Variants in GNAQ observed in about 807,000 individuals in gnomAD.
GNAQ encodes guanine nucleotide-binding protein G(q) subunit alpha.
A neutral mutation model predicts 43.9 loss-of-function variants in GNAQ; 8 were observed. The observed-to-expected ratio is 0.18, with a 90% confidence interval of 0.11 to 0.33. The LOEUF is 0.33. Among genes scored for constraint, GNAQ ranks in the 10% least tolerant of loss-of-function variants. The pLI, the probability that GNAQ is intolerant of heterozygous loss-of-function variation, is 1.00. For synonymous variants in GNAQ, 155 were observed against 170.7 expected (o/e 0.91, Z 0.71); for missense variants, 158 against 450.8 (o/e 0.35, Z 5.88).
chr9:77,930,880 C>G (rs754796979), intron 1 of GNAQ, among the ~76,000 whole-genome samples: 2 of 152,098 alleles, frequency 1.3e-5, no homozygotes, highest in Non-Finnish European at 2.9e-5. Flanking sequence ...AACCGGGCCG[C>G]ACAGCAAGAG....
chr9:77,861,949 G>C (rs1827861018), intron 2 of GNAQ, among the ~76,000 whole-genome samples: 1 of 149,604 alleles, frequency 6.7e-6, no homozygotes, highest in Non-Finnish European at 1.5e-5. Flanking sequence ...AGGTTGCGGT[G>C]AGCTGAGATC....
At chr9:77,764,806 A>G (rs1826108616) in intron 5 of GNAQ, among the ~76,000 whole-genome samples, 1 of 152,166 alleles carries the variant, frequency 6.6e-6, no homozygotes, top group African/African-American at 2.4e-5. Context: ...CAAGAACCAC[A>G]TGAGGAATAA....
At chr9:77,917,106 T>C (rs1404022461) in intron 2 of GNAQ, among the ~76,000 whole-genome samples, 1 of 152,150 alleles carries the variant, frequency 6.6e-6, no homozygotes, top group Non-Finnish European at 1.5e-5. Flanking sequence ...GTAAGATAAT[T>C]TTCAATCTGA....
intron 2 of GNAQ, among the ~76,000 whole-genome samples, chr9:77,910,432 A>G (rs555635965): frequency 6.0e-4 from 92 of 152,342 alleles, no homozygotes; most frequent in African/African-American, 2.1e-3. Flanking sequence ...CCAGGAGTTA[A>G]CCAAGAACAG....
intron 2 of GNAQ, among the ~76,000 whole-genome samples, chr9:77,919,488 C>G (rs1363734819): frequency 6.6e-6 from 1 of 152,036 alleles, no homozygotes; most frequent in African/African-American, 2.4e-5. Flanking sequence ...TATCAGAGAA[C>G]TCTCGGAAGA....
chr9:77,901,539 C>A (rs1287520439), intron 2 of GNAQ, among the ~76,000 whole-genome samples: 2 of 152,186 alleles, frequency 1.3e-5, no homozygotes, highest in African/African-American at 4.8e-5. Flanking sequence ...CCTCCTTAGG[C>A]CGAGCTGGAG....
At chr9:77,977,914 G>A (rs1441595123) in intron 1 of GNAQ, among the ~76,000 whole-genome samples, 1 of 152,116 alleles carries the variant, frequency 6.6e-6, no homozygotes. Context: ...TTGGAAACCA[G>A]AACCCTCCAC....
At chr9:77,898,239 C>T (rs1457674298) in intron 2 of GNAQ, among the ~76,000 whole-genome samples, 2 of 152,186 alleles carry the variant, frequency 1.3e-5, no homozygotes, top group Non-Finnish European at 2.9e-5. Context: ...CAATATATTA[C>T]CAGCTTGCCA....
chr9:77,784,965 G>C (rs1826453988), intron 5 of GNAQ, among the ~76,000 whole-genome samples: 1 of 152,208 alleles, frequency 6.6e-6, no homozygotes, highest in African/African-American at 2.4e-5. Flanking sequence ...GGATCAAATA[G>C]AACACATACA....
intron 2 of GNAQ, among the ~76,000 whole-genome samples, chr9:77,910,504 T>C (rs780210146): frequency 7.2e-5 from 11 of 152,216 alleles, no homozygotes; most frequent in African/African-American, 1.9e-4. Context: ...ATGTGTTTTA[T>C]ATGGTGGCTG....
chr9:77,792,848 G>C (rs1421413920), intron 5 of GNAQ, among the ~76,000 whole-genome samples: 1 of 152,058 alleles, frequency 6.6e-6, no homozygotes, highest in Non-Finnish European at 1.5e-5. Flanking sequence ...AATTAAAGAA[G>C]AGAAATGACA....
intron 5 of GNAQ, among the ~76,000 whole-genome samples, chr9:77,781,411 G>A (rs1424368162): frequency 2.6e-5 from 4 of 151,998 alleles, no homozygotes; most frequent in Non-Finnish European, 4.4e-5. Context: ...AGATATAGGG[G>A]TTACTGTCAC....
chr9:78,030,913 G>C (rs866500417), intron 1 of GNAQ, among the ~76,000 whole-genome samples, 187 bp downstream of exon 1: 9 of 141,186 alleles, frequency 6.4e-5, no homozygotes, highest in East Asian at 4.8e-4. Context: ...GTGTGTGTGT[G>C]TGTGTGTCTG....
intron 5 of GNAQ, among the ~76,000 whole-genome samples, chr9:77,782,295 T>A (rs1826407017): frequency 6.6e-6 from 1 of 152,074 alleles, no homozygotes; most frequent in Non-Finnish European, 1.5e-5. Context: ...AATGAACAAC[T>A]CAATTAAAAA....
chr9:77,739,796 T>A (rs1360821970), intron 5 of GNAQ, among the ~76,000 whole-genome samples: 1 of 152,200 alleles, frequency 6.6e-6, no homozygotes, highest in African/African-American at 2.4e-5. Flanking sequence ...TTACAGTTGA[T>A]GAACAGTGAC....
At chr9:77,872,561 A>C (rs949768594) in intron 2 of GNAQ, among the ~76,000 whole-genome samples, 1 of 152,206 alleles carries the variant, frequency 6.6e-6, no homozygotes, top group African/African-American at 2.4e-5. Flanking sequence ...ATACAAACAT[A>C]TATTTCATAA....
At chr9:77,804,847 T>C (rs922353819) in intron 3 of GNAQ, among the ~76,000 whole-genome samples, 2 of 152,018 alleles carry the variant, frequency 1.3e-5, no homozygotes, top group African/African-American at 4.8e-5. Flanking sequence ...TTTTTAATTA[T>C]TGAAAAGAAG....
chr9:77,738,241 C>T (rs1020385955), intron 5 of GNAQ, among the ~76,000 whole-genome samples: 2 of 152,122 alleles, frequency 1.3e-5, no homozygotes, highest in African/African-American at 4.8e-5. Context: ...CTTTCCAATT[C>T]AATAGTGCTC....
chr9:77,993,888 G>C (rs1330805241), intron 1 of GNAQ, among the ~76,000 whole-genome samples: 11 of 152,106 alleles, frequency 7.2e-5, no homozygotes, highest in Non-Finnish European at 1.5e-5. Flanking sequence ...GTAATAAAAT[G>C]ATGTTTTAAC....
Sources: gnomAD v4.1 joint callset for allele counts (sites outside exome capture counted in the v4.1 genomes callset) on GRCh38, gnomAD v4.1.1 for gene constraint, MANE v1.5 for transcripts, NCBI Gene and HGNC (gene_info 2026-07-23, HGNC 2026-07-21) for gene names.